The following CCAR1 variants were observed in gnomAD, a reference collection of about 807,000 sequenced individuals.
CCAR1 encodes cell division cycle and apoptosis regulator 1.
Under a neutral mutation model 163.8 loss-of-function variants are expected in CCAR1, and 78 were observed. The ratio of observed to expected loss-of-function variants is 0.48; its 90% CI spans 0.40 to 0.57. The LOEUF is 0.57. Ranked by LOEUF, CCAR1 falls within the 20% of genes least tolerant of loss-of-function variation. CCAR1 has a pLI of 0.00. For synonymous variants in CCAR1, 443 were observed against 460.7 expected (o/e 0.96, Z 0.49); for missense variants, 1,019 against 1,365.2 (o/e 0.75, Z 4.00).
At chr10:68,751,918 T>C (rs1210728804) in intron 10 of CCAR1, among the ~76,000 whole-genome samples, 2 of 140,528 alleles carry the variant, frequency 1.4e-5, no homozygotes, top group African/African-American at 5.7e-5. Context: ...TTTTTTGTTT[T>C]TGTTTTTTTT....
intron 16 of CCAR1, among the ~76,000 whole-genome samples, chr10:68,762,307 C>T (rs1439432935): frequency 1.4e-5 from 2 of 147,408 alleles, no homozygotes. Flanking sequence ...CCAGCCTGGG[C>T]GACAGAGTGA....
intron 4 of CCAR1, 87 bp from the exon 5 acceptor site, chr10:68,740,542 T>C (rs983665719): frequency 1.9e-6 from 2 of 1,065,222 alleles, no homozygotes; most frequent in African/African-American, 1.6e-5. Flanking sequence ...AGAATAACTT[T>C]TATAGGATTA....
rs148781313 is a variant in CCAR1, at chr10:68,760,528, A to T, written c.1921-479A>T. On this transcript the variant is annotated intron_variant, in intron 15 of 24. Coordinates refer to ENST00000265872, the MANE Select transcript of CCAR1 (RefSeq NM_018237.4). ...TATTCTATCATTTTGCATTTTCACA[A>T]GTGTTTTGTGAGCTGTACAAATGTT... 6.0e-3 allele frequency among the ~76,000 whole-genome samples: 919 copies of T among 152,282 alleles called. 7 individuals are homozygous for T. The highest frequency in any genetic ancestry group is 0.021 in the African/African-American group (877 of 41,544).
chr10:68,779,269 T>C (rs1401339385), intron 19 of CCAR1, among the ~76,000 whole-genome samples: 2 of 152,100 alleles, frequency 1.3e-5, no homozygotes, highest in African/African-American at 2.4e-5. Context: ...TACTTTTTTT[T>C]TTTTTTGAGA....
intron 23 of CCAR1, among the ~76,000 whole-genome samples, chr10:68,788,963 G>A (rs1393588912): frequency 6.6e-6 from 1 of 151,578 alleles, no homozygotes; most frequent in Non-Finnish European, 1.5e-5. Flanking sequence ...AGGCTGGAGT[G>A]CAGTGGGGCT....
chr10:68,766,426 C>T (rs1452602836), intron 17 of CCAR1, among the ~76,000 whole-genome samples: 2 of 151,944 alleles, frequency 1.3e-5, no homozygotes, highest in Non-Finnish European at 2.9e-5. Flanking sequence ...TGGTCTCGAA[C>T]TCCTGACCTC....
chr10:68,772,841 T>G (rs1178901698), intron 18 of CCAR1, 147 bp from the exon 19 acceptor site: 1 of 295,172 alleles, frequency 3.4e-6, no homozygotes, highest in Non-Finnish European at 6.5e-6. Flanking sequence ...CTGGCTGTGG[T>G]GGCTCACGCC....
chr10:68,769,854 T>C (rs1290721350), intron 17 of CCAR1, among the ~76,000 whole-genome samples: 1 of 146,382 alleles, frequency 6.8e-6, no homozygotes, highest in Admixed American at 7.1e-5. Flanking sequence ...GGCAGGAGAA[T>C]GGTGTGAATT....
At chr10:68,766,296 G>A (rs562495272) in intron 17 of CCAR1, among the ~76,000 whole-genome samples, 16 of 151,736 alleles carry the variant, frequency 1.1e-4, no homozygotes, top group Admixed American at 7.2e-4. Context: ...TCTGTCTCCC[G>A]GGTTCAAGCA....
intron 15 of CCAR1, among the ~76,000 whole-genome samples, chr10:68,760,153 ATT>A (rs2056450399): frequency 6.6e-6 from 1 of 152,044 alleles, no homozygotes; most frequent in African/African-American, 2.4e-5. Flanking sequence ...TCTGTTGGAC[ATT>A]TGTTTATTTA....
chr10:68,728,901 G>A (rs1164195755), intron 2 of CCAR1, among the ~76,000 whole-genome samples: 3 of 151,502 alleles, frequency 2.0e-5, no homozygotes, highest in Non-Finnish European at 2.9e-5. Context: ...GCAGTGAGCC[G>A]AGATCGTGCC....
chr10:68,750,979 G>A (rs573330575), intron 10 of CCAR1, among the ~76,000 whole-genome samples: 4 of 151,000 alleles, frequency 2.6e-5, no homozygotes, highest in East Asian at 1.9e-4. Flanking sequence ...CATAGTTGGC[G>A]TTCATTTACT....
intron 16 of CCAR1, 83 bp from the exon 17 acceptor site, chr10:68,765,805 T>C: frequency 1.1e-6 from 1 of 880,914 alleles, no homozygotes. Flanking sequence ...TTATGAGATA[T>C]ATATTCAATA....
chr10:68,730,172 G>A (rs2056016450), intron 2 of CCAR1, among the ~76,000 whole-genome samples: 1 of 151,864 alleles, frequency 6.6e-6, no homozygotes, highest in Non-Finnish European at 1.5e-5. Flanking sequence ...CACCCGTGTC[G>A]TCTTCCCTAA....
At chr10:68,775,798 G>T (rs1435437107) in intron 19 of CCAR1, among the ~76,000 whole-genome samples, 3 of 137,644 alleles carry the variant, frequency 2.2e-5, no homozygotes, top group Non-Finnish European at 4.5e-5. Context: ...CCAGTTTCAA[G>T]CAATTCTCCT....
At position 68,765,961 on chromosome 10, in the gene CCAR1, C is replaced by T. The variant is rs763822169; in HGVS notation, c.2180C>T (p.Pro727Leu). Residue 727 changes from proline to leucine, a missense_variant, in exon 17 of 25, where the codon CCG becomes CTG. Pro to Leu is a moderately conservative substitution (Grantham distance 98, BLOSUM62 -3). Coordinates refer to ENST00000265872, the MANE Select transcript of CCAR1 (RefSeq NM_018237.4). ...RERRYILPDE[P>L]AIIVHPNWAA... The stretch of plus-strand genomic sequence containing the variant: ...AGAAGATATATTTTGCCTGATGAAC[C>T]GGCCATCATTGTACATCCAAATTGG... 21 of 1,613,658 alleles carry T rather than the reference C, an allele frequency of 1.3e-5. No individual in the cohort carries two copies. The highest frequency in any genetic ancestry group is 8.0e-5 in the African/African-American group (6 of 74,876).
intron 1 of CCAR1, chr10:68,721,755 C>T (rs1377297661): frequency 3.2e-6 from 1 of 314,348 alleles, no homozygotes; most frequent in African/African-American, 2.3e-5. Context: ...CGGCACGGAG[C>T]TGGGACTGGA....
chr10:68,741,431 A>G (rs1047026256), intron 5 of CCAR1, among the ~76,000 whole-genome samples: 1 of 152,150 alleles, frequency 6.6e-6, no homozygotes, highest in Non-Finnish European at 1.5e-5. Flanking sequence ...TATCTTTCAC[A>G]TACTCTTTTT....
Position 68,791,274 on chromosome 10 carries a change from C to T in CCAR1, c.*8C>T, listed in dbSNP as rs1210609366. On this transcript the variant is annotated 3_prime_UTR_variant, in exon 25 of 25. Transcript: ENST00000265872. ...AATGGTGCCAGTGTATGATAAAATCCATGTAGTGATGAGGAATGGTGTTAA... is the reference window on the plus strand; with the variant it reads ...AATGGTGCCAGTGTATGATAAAATCTATGTAGTGATGAGGAATGGTGTTAA... 2.5e-6 allele frequency: 4 copies of T among 1,572,790 alleles called. No homozygotes were observed. The highest frequency in any genetic ancestry group is 2.6e-6 in the Non-Finnish European group (3 of 1,149,948).
Sources: allele counts gnomAD v4.1 joint callset (sites outside exome capture counted in the v4.1 genomes callset), GRCh38; gene constraint gnomAD v4.1.1; transcripts MANE v1.5; gene names NCBI Gene and HGNC (gene_info 2026-07-23, HGNC 2026-07-21).